The following GRM8 variants were observed in gnomAD, a reference collection of about 807,000 sequenced individuals.
GRM8 encodes glutamate metabotropic receptor 8.
In GRM8, 47 loss-of-function variants were observed where a neutral mutation model predicts 87.2. That is an observed-to-expected ratio of 0.54 (90% CI 0.43 to 0.69). GRM8 has a LOEUF of 0.69. Ranked by LOEUF, GRM8 falls within the 30% of genes least tolerant of loss-of-function variation. The pLI is 0.00. For synonymous variants in GRM8, 396 were observed against 404.5 expected (o/e 0.98, Z 0.25); for missense variants, 1,019 against 1,139.2 (o/e 0.89, Z 1.52).
At chr7:126,768,089 C>T (rs759031338) in intron 7 of GRM8, among the ~76,000 whole-genome samples, 1 of 152,010 alleles carries the variant, frequency 6.6e-6, no homozygotes. Context: ...TTATCTCAGA[C>T]ACCTACTCCC....
intron 6 of GRM8, chr7:126,869,480 C>T (rs1488026446): frequency 6.6e-6 from 1 of 152,090 alleles, no homozygotes; most frequent in Non-Finnish European, 1.5e-5. Context: ...GGAGCTATAG[C>T]CTTATGAAAT....
At chr7:126,768,158 C>G (rs926504274) in intron 7 of GRM8, among the ~76,000 whole-genome samples, 1 of 151,894 alleles carries the variant, frequency 6.6e-6, no homozygotes. Context: ...ATTATAAACT[C>G]TAAATCCAGA....
At chr7:126,536,717 A>G (rs1815783006) in intron 8 of GRM8, among the ~76,000 whole-genome samples, 2 of 146,790 alleles carry the variant, frequency 1.4e-5, no homozygotes, top group Non-Finnish European at 2.9e-5. Context: ...TAAGGGACTC[A>G]TAAGATAAGA....
At chr7:126,500,053 C>T (rs893209391) in intron 9 of GRM8, among the ~76,000 whole-genome samples, 1 of 151,840 alleles carries the variant, frequency 6.6e-6, no homozygotes, top group East Asian at 1.9e-4. Context: ...ACCTCAAGTA[C>T]TTATGATTTC....
At chr7:126,730,575 T>A (rs992383834) in intron 7 of GRM8, among the ~76,000 whole-genome samples, 1 of 152,132 alleles carries the variant, frequency 6.6e-6, no homozygotes, top group African/African-American at 2.4e-5. Flanking sequence ...TTGAGAACTT[T>A]GTGAAAAATC....
At chr7:126,590,786 A>G (rs1185552209) in intron 8 of GRM8, among the ~76,000 whole-genome samples, 3 of 152,148 alleles carry the variant, frequency 2.0e-5, no homozygotes, top group Non-Finnish European at 4.4e-5. Context: ...CTTAATAAAT[A>G]AAGGAAAGAT....
intron 2 of GRM8, among the ~76,000 whole-genome samples, chr7:127,203,040 C>A (rs1313209261): frequency 6.6e-6 from 1 of 152,152 alleles, no homozygotes; most frequent in African/African-American, 2.4e-5. Context: ...ATGCTACATA[C>A]CAAGTTTTCA....
intron 2 of GRM8, among the ~76,000 whole-genome samples, chr7:127,188,498 A>T (rs1190553101): frequency 2.6e-5 from 4 of 152,112 alleles, no homozygotes; most frequent in Non-Finnish European, 5.9e-5. Flanking sequence ...TTCCATCTCA[A>T]GCATTGTGCA....
chr7:126,555,221 T>C (rs1436935788), intron 8 of GRM8, among the ~76,000 whole-genome samples: 1 of 152,240 alleles, frequency 6.6e-6, no homozygotes. Context: ...GTACAATTTA[T>C]AGTCGATCCC....
intron 9 of GRM8, among the ~76,000 whole-genome samples, chr7:126,473,393 C>A (rs974782094): frequency 1.3e-5 from 2 of 151,764 alleles, no homozygotes; most frequent in African/African-American, 4.9e-5. Flanking sequence ...TACTGGATTT[C>A]AAACTTGCAT....
At position 126,685,459 on chromosome 7, in the gene GRM8, C is replaced by T. The variant is rs968485411; in HGVS notation, c.1358-75961G>A. ...AGCTGCTCTGCCCCATCTCTGGACC[C>T]AGGCATCTCTGTGTTCCTGGGGGCC... On this transcript the variant is annotated intron_variant, in intron 7 of 10. Transcript: ENST00000339582. The surrounding 1 kb of genome is among the most constrained non-coding windows in gnomAD (Gnocchi z 4.2). Among the ~76,000 whole-genome samples the T allele has an allele frequency of 1.3e-5, 2 of 152,138 alleles. No individual in the cohort carries two copies. The highest frequency in any genetic ancestry group is 4.8e-5 in the African/African-American group (2 of 41,444).
At chr7:126,792,893 G>C (rs896952146) in intron 6 of GRM8, among the ~76,000 whole-genome samples, 1 of 152,014 alleles carries the variant, frequency 6.6e-6, no homozygotes, top group South Asian at 2.1e-4. Context: ...ACTGCCCCTC[G>C]GCTACAAAAG....
intron 7 of GRM8, chr7:126,701,723 C>G (rs1296706765): frequency 1.4e-6 from 1 of 738,044 alleles, no homozygotes; most frequent in Non-Finnish European, 2.1e-6. Flanking sequence ...AAGTATAAAA[C>G]TATTGTTATA....
intron 6 of GRM8, among the ~76,000 whole-genome samples, chr7:126,798,588 T>C (rs1419911460): frequency 6.6e-6 from 1 of 152,132 alleles, no homozygotes; most frequent in African/African-American, 2.4e-5. Context: ...TTTCAGCTTT[T>C]GAAATAGGGC....
chr7:126,724,119 G>C (rs1812715625), intron 7 of GRM8, among the ~76,000 whole-genome samples: 2 of 152,040 alleles, frequency 1.3e-5, no homozygotes, highest in Non-Finnish European at 2.9e-5. Flanking sequence ...CTCCTCTCAA[G>C]GCTTAGAGGA....
At chr7:126,910,532 T>A (rs1241869256) in intron 3 of GRM8, among the ~76,000 whole-genome samples, 2 of 152,156 alleles carry the variant, frequency 1.3e-5, no homozygotes, top group Non-Finnish European at 2.9e-5. Flanking sequence ...TGTAAATATA[T>A]GTTTAAAAGT....
chr7:127,076,921 C>T (rs1822331725), intron 3 of GRM8, among the ~76,000 whole-genome samples: 1 of 152,136 alleles, frequency 6.6e-6, no homozygotes, highest in Non-Finnish European at 1.5e-5. Flanking sequence ...CAATCAAAGC[C>T]ATTAATGAGG....
chr7:127,151,412 T>G (rs972633522), intron 2 of GRM8, among the ~76,000 whole-genome samples: 2 of 152,072 alleles, frequency 1.3e-5, no homozygotes, highest in East Asian at 3.9e-4. Flanking sequence ...CTACCATTTC[T>G]TATCTAAGGA....
At chr7:126,992,914 G>A (rs1427870875) in intron 3 of GRM8, among the ~76,000 whole-genome samples, 1 of 151,582 alleles carries the variant, frequency 6.6e-6, no homozygotes, top group Non-Finnish European at 1.5e-5. Flanking sequence ...CTAAGAGAAG[G>A]GACTTCAAAA....
Sources: gnomAD v4.1 joint callset for allele counts (sites outside exome capture counted in the v4.1 genomes callset) on GRCh38, gnomAD v4.1.1 for gene constraint, Gnocchi (gnomAD v3.1) non-coding constraint, MANE v1.5 for transcripts, NCBI Gene and HGNC (gene_info 2026-07-23, HGNC 2026-07-21) for gene names.